The following SNX29 variants were observed in gnomAD, a reference collection of about 807,000 sequenced individuals.
The protein encoded by SNX29 is sorting nexin 29.
In SNX29, 78 loss-of-function variants were observed where a neutral mutation model predicts 102.1. The observed-to-expected ratio is 0.76, with a 90% CI of 0.64 to 0.92. The LOEUF is 0.92. Among genes scored for constraint, SNX29 ranks in the 40% least tolerant of loss-of-function variants. The pLI is 0.00. For missense variants in SNX29, 1,280 were observed against 1,061.7 expected (o/e 1.21, Z -2.86); for synonymous variants, 580 against 414.5 (o/e 1.40, Z -4.85).
chr16:12,496,298 T>C (rs1185548471), intron 19 of SNX29, among the ~76,000 whole-genome samples: 1 of 152,108 alleles, frequency 6.6e-6, no homozygotes, highest in Non-Finnish European at 1.5e-5. Context: ...TGTGTTTCCG[T>C]GGTGGTGGTG....
At chr16:12,529,726 A>T (rs2076881402) in intron 20 of SNX29, among the ~76,000 whole-genome samples, 1 of 151,760 alleles carries the variant, frequency 6.6e-6, no homozygotes, top group Non-Finnish European at 1.5e-5. Flanking sequence ...AAATATATCC[A>T]TTTTTTGCTG....
intron 14 of SNX29, among the ~76,000 whole-genome samples, chr16:12,202,787 G>A (rs1172060503): frequency 6.6e-6 from 1 of 152,242 alleles, no homozygotes; most frequent in Admixed American, 6.5e-5. Context: ...GAAACAAGAT[G>A]TTTGCAAGTT....
At chr16:12,282,638 G>T (rs1360757685) in intron 15 of SNX29, among the ~76,000 whole-genome samples, 1 of 152,090 alleles carries the variant, frequency 6.6e-6, no homozygotes, top group East Asian at 1.9e-4. Context: ...ATTGTCTAAG[G>T]CATCACAATT....
At chr16:12,191,272 G>C (rs956855620) in intron 13 of SNX29, among the ~76,000 whole-genome samples, 1 of 152,126 alleles carries the variant, frequency 6.6e-6, no homozygotes, top group African/African-American at 2.4e-5. Flanking sequence ...ATCACCTCCT[G>C]CTGTGCGGCT....
chr16:12,185,113 C>G (rs542294362), intron 13 of SNX29, among the ~76,000 whole-genome samples: 1 of 152,288 alleles, frequency 6.6e-6, no homozygotes, highest in African/African-American at 2.4e-5. Flanking sequence ...TCTGAGATTC[C>G]CAGTCCACAG....
At chr16:12,457,530 A>T (rs2086592068) in intron 18 of SNX29, among the ~76,000 whole-genome samples, 1 of 152,216 alleles carries the variant, frequency 6.6e-6, no homozygotes, top group Non-Finnish European at 1.5e-5. Flanking sequence ...CTGCTTCAGG[A>T]CAGGGTGGTC....
intron 20 of SNX29, among the ~76,000 whole-genome samples, chr16:12,548,188 C>T (rs942593149): frequency 6.6e-6 from 1 of 152,180 alleles, no homozygotes; most frequent in Non-Finnish European, 1.5e-5. Context: ...CTTGCTCATC[C>T]CACAGCGCCT....
intron 15 of SNX29, among the ~76,000 whole-genome samples, chr16:12,348,404 T>TA (rs1414134128): frequency 2.0e-5 from 3 of 152,262 alleles, no homozygotes. Flanking sequence ...TTACTTACTC[T>TA]AGGTGCCCCT....
intron 4 of SNX29, among the ~76,000 whole-genome samples, chr16:12,036,640 CTGTTTT>C (rs138959421): frequency 0.38 from 56,978 of 151,644 alleles, 11,202 homozygotes; most frequent in Middle Eastern, 0.44. Flanking sequence ...AGCGGGTTTT[CTGTTTT>C]TGTTTTTGTT....
At chr16:12,158,419 C>T (rs892058778) in intron 13 of SNX29, among the ~76,000 whole-genome samples, 6 of 152,056 alleles carry the variant, frequency 3.9e-5, no homozygotes, top group South Asian at 2.1e-4. Context: ...AGGCTGGTCT[C>T]GAACTCCTGA....
intron 16 of SNX29, among the ~76,000 whole-genome samples, chr16:12,376,618 C>T (rs1167092712): frequency 2.6e-5 from 4 of 151,430 alleles, no homozygotes; most frequent in East Asian, 1.9e-4. Flanking sequence ...CACCTATAAT[C>T]CCAGCTACTC....
intron 20 of SNX29, among the ~76,000 whole-genome samples, chr16:12,566,701 TCC>T (rs149439743): frequency 0.96 from 145,576 of 152,184 alleles, 69,784 homozygotes; most frequent in Non-Finnish European, 0.98. Flanking sequence ...GTAAGTGGGG[TCC>T]CCCATCCTTT....
chr16:12,478,337 C>T (rs990995297), intron 19 of SNX29, among the ~76,000 whole-genome samples: 2 of 152,196 alleles, frequency 1.3e-5, no homozygotes, highest in East Asian at 1.9e-4. Context: ...AGTTTTCATC[C>T]GTAGTTGTCA....
At chr16:12,036,338 T>C (rs951048417) in intron 4 of SNX29, among the ~76,000 whole-genome samples, 67 of 146,952 alleles carry the variant, frequency 4.6e-4, no homozygotes, top group Middle Eastern at 3.5e-3. Flanking sequence ...TTCTTTCTTT[T>C]TTTTTTTTTT....
chr16:12,036,403 C>T (rs1025974323), intron 4 of SNX29, among the ~76,000 whole-genome samples: 13 of 147,860 alleles, frequency 8.8e-5, no homozygotes, highest in Non-Finnish European at 1.3e-4. Flanking sequence ...GGCACCATCT[C>T]GGCTCACTGC....
intron 3 of SNX29, among the ~76,000 whole-genome samples, chr16:12,021,150 G>C (rs1266620193): frequency 6.6e-6 from 1 of 152,180 alleles, no homozygotes; most frequent in Non-Finnish European, 1.5e-5. Flanking sequence ...AGAATTGCCG[G>C]TTGTGGTGGT....
At chr16:12,134,309 C>T (rs2054581666) in intron 13 of SNX29, among the ~76,000 whole-genome samples, 1 of 152,196 alleles carries the variant, frequency 6.6e-6, no homozygotes, top group Non-Finnish European at 1.5e-5. Flanking sequence ...TTGCTGAGAA[C>T]AACAAATATT....
At chr16:12,554,628 CAGTTTCCCCA>C (rs1173699553) in intron 20 of SNX29, among the ~76,000 whole-genome samples, 1 of 152,212 alleles carries the variant, frequency 6.6e-6, no homozygotes, top group Non-Finnish European at 1.5e-5. Context: ...ATACCTGCCT[CAGTTTCCCCA>C]GGTTTCACCA....
At chr16:12,031,792 G>A (rs1364097336) in intron 4 of SNX29, among the ~76,000 whole-genome samples, 3 of 151,680 alleles carry the variant, frequency 2.0e-5, no homozygotes, top group African/African-American at 7.3e-5. Flanking sequence ...GCAACAGAGT[G>A]AGACTCCATC....
Sources: allele counts gnomAD v4.1 joint callset (sites outside exome capture counted in the v4.1 genomes callset), GRCh38; gene constraint gnomAD v4.1.1; transcripts MANE v1.5; gene names NCBI Gene and HGNC (gene_info 2026-07-23, HGNC 2026-07-21).